ELOVL6: variants seen among roughly 807,000 people sequenced by gnomAD.
The protein encoded by ELOVL6 is ELOVL fatty acid elongase 6.
In ELOVL6, 8 loss-of-function variants were observed where a neutral mutation model predicts 31.7. That is an observed-to-expected ratio of 0.25 (90% CI 0.15 to 0.45). The LOEUF (loss-of-function observed/expected upper bound fraction) is 0.45, where lower values mean the gene tolerates loss of function less well. Among genes scored for constraint, ELOVL6 ranks in the 20% least tolerant of loss-of-function variants. ELOVL6 has a pLI of 1.00. For synonymous variants in ELOVL6, 101 were observed against 117.7 expected, an observed-to-expected ratio of 0.86 and a Z score of 0.92; for missense variants, 126 against 326.4, an observed-to-expected ratio of 0.39 and a Z score of 4.73.
chr4:110,084,344 G>GGTATATGATATATATCGC (rs756104923), intron 2 of ELOVL6, among the ~76,000 whole-genome samples: 1 of 88,420 alleles, frequency 1.1e-5, no homozygotes. Context: ...TCACATATAT[G>GGTATATGATATATATCGC]ATATATGATA....
At chr4:110,189,592 CAA>C (rs761765202) in intron 1 of ELOVL6, among the ~76,000 whole-genome samples, 1,296 of 75,202 alleles carry the variant, frequency 0.017, 10 homozygotes, top group African/African-American at 0.068. Context: ...GACTCTGTCT[CAA>C]AAAAAAAAAA....
At chr4:110,171,662 A>G (rs1351032390) in intron 1 of ELOVL6, among the ~76,000 whole-genome samples, 4 of 116,802 alleles carry the variant, frequency 3.4e-5, no homozygotes, top group Non-Finnish European at 5.3e-5. Flanking sequence ...TTTCATCTGT[A>G]TCTTGCATAA....
intron 1 of ELOVL6, among the ~76,000 whole-genome samples, chr4:110,118,342 T>C (rs1261032761): frequency 6.6e-6 from 1 of 152,132 alleles, no homozygotes; most frequent in East Asian, 1.9e-4. Flanking sequence ...CAAATTCTTC[T>C]TGAAGTAGAA....
chr4:110,119,789 G>C (rs760110252), intron 1 of ELOVL6, among the ~76,000 whole-genome samples: 2 of 152,040 alleles, frequency 1.3e-5, no homozygotes, highest in Non-Finnish European at 2.9e-5. Context: ...AGAAAATTAA[G>C]TCCATAGCTC....
At chr4:110,075,209 G>C (rs1316912412) in intron 2 of ELOVL6, among the ~76,000 whole-genome samples, 1 of 152,148 alleles carries the variant, frequency 6.6e-6, no homozygotes, top group Non-Finnish European at 1.5e-5. Flanking sequence ...AAAACAGTAT[G>C]GCAGTTTCTT....
intron 1 of ELOVL6, among the ~76,000 whole-genome samples, chr4:110,117,553 T>A (rs887062975): frequency 6.6e-6 from 1 of 152,026 alleles, no homozygotes; most frequent in African/African-American, 2.4e-5. Flanking sequence ...CGATGGGCCA[T>A]GTCCAGCTGC....
At chr4:110,076,346 GTACAGTTATACA>G (rs1374453308) in intron 2 of ELOVL6, among the ~76,000 whole-genome samples, 1 of 152,090 alleles carries the variant, frequency 6.6e-6, no homozygotes, top group African/African-American at 2.4e-5. Context: ...GTATATAACT[GTACAGTTATACA>G]TTCCATGGTG....
At chr4:110,185,795 G>C (rs753011520) in intron 1 of ELOVL6, among the ~76,000 whole-genome samples, 1 of 152,100 alleles carries the variant, frequency 6.6e-6, no homozygotes, top group Non-Finnish European at 1.5e-5. Context: ...TTTCAAGTCA[G>C]TATGTAGAAA....
At position 110,090,600 on chromosome 4, in the gene ELOVL6, C is replaced by CTTTTTTTTTTT. The variant is rs544234717; in HGVS notation, c.221+14886_221+14896dup. ...GGAACTTACAGGAAAGTTTGACTTTCTTTTTTTTTTTTTTTTTTTTCATGA... is the reference window on the plus strand; with the variant it reads ...GGAACTTACAGGAAAGTTTGACTTTCTTTTTTTTTTTTTTTTTTTTTTTTTTTTTTTCATGA... On this transcript the variant is annotated intron_variant, in intron 2 of 3. Coordinates refer to ENST00000302274, the MANE Select transcript of ELOVL6 (RefSeq NM_024090.3). 6.2e-3 allele frequency among the ~76,000 whole-genome samples: 646 copies of CTTTTTTTTTTT among 103,584 alleles called. 38 individuals carry two copies. Among genetic ancestry groups the CTTTTTTTTTTT allele is most frequent in the African/African-American group, 0.017 (390 of 23,326 alleles). 68.0% of individuals were successfully genotyped at this position (103,584 alleles called of 152,430 possible).
chr4:110,119,974 A>C (rs1223287041), intron 1 of ELOVL6, among the ~76,000 whole-genome samples: 1 of 152,248 alleles, frequency 6.6e-6, no homozygotes, highest in Non-Finnish European at 1.5e-5. Context: ...GATTCTCAAA[A>C]TCACAATGCC....
chr4:110,092,325 G>C (rs925081406), intron 2 of ELOVL6, among the ~76,000 whole-genome samples: 4 of 152,196 alleles, frequency 2.6e-5, no homozygotes, highest in Non-Finnish European at 4.4e-5. Flanking sequence ...GGAAAGAACT[G>C]TCAATGCTTT....
Position 110,128,468 on chromosome 4 carries a change from C to G in ELOVL6, c.90-22840G>C, listed in dbSNP as rs554669189. 3.3e-3 allele frequency among the ~76,000 whole-genome samples: 497 copies of G among 152,216 alleles called. 1 individual carries two copies. Among genetic ancestry groups the G allele is most frequent in the African/African-American group, 0.011 (469 of 41,526 alleles). On this transcript the variant is annotated intron_variant, in intron 1 of 3. Coordinates refer to ENST00000302274, the MANE Select transcript of ELOVL6 (RefSeq NM_024090.3). The stretch of plus-strand genomic sequence containing the variant: ...CTCACTGATGAAATGAAAGCTGGAG[C>G]TTGAGTAAGTCTGGTGGGAATGGCA...
At chr4:110,165,956 C>A (rs1758761594) in intron 1 of ELOVL6, among the ~76,000 whole-genome samples, 1 of 152,120 alleles carries the variant, frequency 6.6e-6, no homozygotes, top group East Asian at 1.9e-4. Flanking sequence ...TTCTCTACAT[C>A]CCTAACAAAT....
At chr4:110,171,679 C>CTTTTTTTTTT (rs70956406) in intron 1 of ELOVL6, among the ~76,000 whole-genome samples, 1 of 66,176 alleles carries the variant, frequency 1.5e-5, no homozygotes, top group African/African-American at 5.3e-5. Context: ...ATAATATCCT[C>CTTTTTTTTTT]TTTTTTTTTT....
chr4:110,084,164 G>GATATATATCATATAACTTATA (rs1560814317), intron 2 of ELOVL6, among the ~76,000 whole-genome samples: 1 of 45,604 alleles, frequency 2.2e-5, no homozygotes, highest in African/African-American at 2.5e-4. Flanking sequence ...TAACATATAT[G>GATATATATCATATAACTTATA]TGATATATAT....
Position 110,084,563 on chromosome 4 carries a change from G to C in ELOVL6, c.221+20934C>G, listed in dbSNP as rs771106016. Among the ~76,000 whole-genome samples, 183 of 44,528 alleles carry C rather than the reference G, an allele frequency of 4.1e-3. 2 individuals carry two copies. The highest frequency in any genetic ancestry group is 0.019 in the Middle Eastern group (1 of 52). The allele number at this position is 44,528 out of a possible 152,430, so 29.2% of individuals were successfully genotyped here. ...ACACACACACACACACACACACACA[G>C]ATATATATATATATATATATATATA... On this transcript the variant is annotated intron_variant, in intron 2 of 3. Transcript: ENST00000302274.
At chr4:110,084,558 A>ATATATATATATT (rs1338095039) in intron 2 of ELOVL6, among the ~76,000 whole-genome samples, 1 of 61,692 alleles carries the variant, frequency 1.6e-5, no homozygotes, top group African/African-American at 1.2e-4. Context: ...ACACACACAC[A>ATATATATATATT]CACAGATATA....
At chr4:110,161,675 G>T (rs1381335291) in intron 1 of ELOVL6, among the ~76,000 whole-genome samples, 1 of 152,162 alleles carries the variant, frequency 6.6e-6, no homozygotes, top group East Asian at 1.9e-4. Context: ...GGCTTCAACA[G>T]GTCTTACAGA....
intron 1 of ELOVL6, among the ~76,000 whole-genome samples, chr4:110,155,935 G>A (rs79015737): frequency 0.12 from 17,689 of 152,210 alleles, 1,112 homozygotes; most frequent in Non-Finnish European, 0.12. Context: ...AATAATGAGC[G>A]TTGCTACAAG....
Sources: allele counts gnomAD v4.1 joint callset (sites outside exome capture counted in the v4.1 genomes callset), GRCh38; gene constraint gnomAD v4.1.1; transcripts MANE v1.5; gene names NCBI Gene and HGNC (gene_info 2026-07-23, HGNC 2026-07-21).